Variants in TNFAIP6 observed in about 807,000 individuals in gnomAD.
TNFAIP6 encodes tumor necrosis factor-inducible gene 6 protein.
A neutral mutation model predicts 33.7 loss-of-function variants in TNFAIP6; 36 were observed. The observed-to-expected ratio is 1.07, with a 90% CI of 0.82 to 1.41. The LOEUF is 1.41. Ranked by LOEUF, TNFAIP6 falls within the 40% of genes most tolerant of loss-of-function variation. TNFAIP6 has a pLI of 0.00. For synonymous variants in TNFAIP6, 113 were observed against 112.8 expected (o/e 1.00, Z -0.01); for missense variants, 273 against 331.9 (o/e 0.82, Z 1.38).
At position 151,363,977 on chromosome 2, in the gene TNFAIP6, G is replaced by A. The variant is rs1466765781; in HGVS notation, c.129G>A (p.Arg43=). The A allele has an allele frequency of 1.2e-6, 2 of 1,613,998 alleles. No individual in the cohort carries two copies. Among genetic ancestry groups the A allele is most frequent in the East Asian group, 2.2e-5 (1 of 44,890 alleles). ...CCGGTGTGTACCACAGAGAAGCACG[G>A]TCTGGCAAATACAAGCTCACCTACG... ...RAAGVYHREA[R]SGKYKLTYAE... Residue 43 remains arginine (R), a synonymous_variant, in exon 2 of 6, where the codon CGG becomes CGA. Transcript: ENST00000243347.
chr2:151,362,178 T>C (rs144661329), intron 1 of TNFAIP6, among the ~76,000 whole-genome samples: 78 of 152,320 alleles, frequency 5.1e-4, no homozygotes, highest in Middle Eastern at 3.4e-3. Flanking sequence ...TTATGACTAT[T>C]GTCCTGGGAA....
At chr2:151,372,813 G>A (rs1313432635) in intron 4 of TNFAIP6, among the ~76,000 whole-genome samples, 4 of 151,952 alleles carry the variant, frequency 2.6e-5, no homozygotes, top group East Asian at 1.9e-4. Flanking sequence ...CCAGCTACTC[G>A]GGAGCCTGAG....
At position 151,379,646 on chromosome 2, in the gene TNFAIP6, G is replaced by T; in HGVS notation, c.*113G>T. ...ATTTATTATTTTTCTAAATGTGAAA[G>T]CAATACATAATTTAGGGAAAATTGG... is the stretch of plus-strand genomic sequence containing the variant. On this transcript the variant is annotated 3_prime_UTR_variant, in exon 6 of 6. Transcript: ENST00000243347. The T allele has an allele frequency of 1.2e-6, 1 of 845,966 alleles. No individual in the cohort carries two copies. The highest frequency in any genetic ancestry group is 4.4e-5 in the South Asian group (1 of 22,628). The allele number at this position is 845,966 out of a possible 1,614,324, so 52.4% of individuals were successfully genotyped here.
intron 3 of TNFAIP6, among the ~76,000 whole-genome samples, chr2:151,367,481 A>G (rs1684732572): frequency 1.3e-5 from 2 of 152,100 alleles, no homozygotes; most frequent in South Asian, 2.1e-4. Context: ...TCTTCTTTTC[A>G]AATGTATTCT....
intron 1 of TNFAIP6, 143 bp from the exon 2 acceptor site, chr2:151,363,800 A>T: frequency 1.1e-6 from 1 of 893,566 alleles, no homozygotes; most frequent in Admixed American, 3.7e-5. Flanking sequence ...TAACAGTGAA[A>T]ACTTAGCTAC....
intron 2 of TNFAIP6, among the ~76,000 whole-genome samples, chr2:151,365,622 G>C (rs1684696331): frequency 2.0e-5 from 3 of 152,150 alleles, no homozygotes; most frequent in African/African-American, 7.2e-5. Flanking sequence ...CTGGGTGACA[G>C]AGTGACACTC....
At chr2:151,368,962 G>A (rs989075594) in intron 3 of TNFAIP6, among the ~76,000 whole-genome samples, 3 of 152,180 alleles carry the variant, frequency 2.0e-5, no homozygotes, top group African/African-American at 7.2e-5. Context: ...GGAAGCTGAG[G>A]TGGGTCGATC....
intron 3 of TNFAIP6, among the ~76,000 whole-genome samples, chr2:151,367,835 C>T (rs1010705956): frequency 6.6e-6 from 1 of 151,472 alleles, no homozygotes; most frequent in African/African-American, 2.4e-5. Context: ...GGGGGAACAG[C>T]TCACTGAAAC....
At chr2:151,365,466 C>T (rs145184472) in intron 2 of TNFAIP6, among the ~76,000 whole-genome samples, 2,379 of 152,038 alleles carry the variant, frequency 0.016, 61 homozygotes, top group African/African-American at 0.055. Context: ...TGGAGAAACC[C>T]CATCTCTACT....
intron 2 of TNFAIP6, among the ~76,000 whole-genome samples, chr2:151,365,096 AC>A (rs1373630781): frequency 1.3e-5 from 2 of 152,140 alleles, no homozygotes; most frequent in African/African-American, 4.8e-5. Flanking sequence ...AGTGGTTCAC[AC>A]CTGTAATCCC....
chr2:151,379,115 A>T (rs1307156113), intron 5 of TNFAIP6, among the ~76,000 whole-genome samples: 1 of 152,072 alleles, frequency 6.6e-6, no homozygotes, highest in Non-Finnish European at 1.5e-5. Flanking sequence ...AAAATAAATA[A>T]ATAAATACAA....
At chr2:151,371,689 T>C (rs1219786357) in intron 4 of TNFAIP6, among the ~76,000 whole-genome samples, 1 of 151,818 alleles carries the variant, frequency 6.6e-6, no homozygotes, top group Non-Finnish European at 1.5e-5. Context: ...CTGCCTCCCA[T>C]GTTCCAGCAA....
intron 1 of TNFAIP6, among the ~76,000 whole-genome samples, chr2:151,361,831 T>C (rs1684628876): frequency 6.6e-6 from 1 of 152,222 alleles, no homozygotes. Context: ...ACTTGACTGA[T>C]GTTCCTGGTA....
intron 1 of TNFAIP6, among the ~76,000 whole-genome samples, chr2:151,361,036 TA>T (rs1684616077): frequency 1.3e-5 from 2 of 152,112 alleles, no homozygotes; most frequent in South Asian, 2.1e-4. Context: ...TTAAAATTAT[TA>T]TTTTTTTAAA....
At chr2:151,360,460 C>T (rs181274202) in intron 1 of TNFAIP6, among the ~76,000 whole-genome samples, 20 of 152,180 alleles carry the variant, frequency 1.3e-4, no homozygotes, top group African/African-American at 3.6e-4. Context: ...TTTCTACTGC[C>T]GCCACTCACT....
intron 1 of TNFAIP6, among the ~76,000 whole-genome samples, chr2:151,362,037 T>C (rs1196298515): frequency 6.6e-6 from 1 of 152,220 alleles, no homozygotes; most frequent in Non-Finnish European, 1.5e-5. Context: ...ATTCATTTCT[T>C]GGTGCCAAGA....
At chr2:151,365,393 C>A (rs1042158620) in intron 2 of TNFAIP6, among the ~76,000 whole-genome samples, 26 of 152,120 alleles carry the variant, frequency 1.7e-4, no homozygotes, top group African/African-American at 6.3e-4. Flanking sequence ...AATCCTAGCA[C>A]TTCGGAAGGG....
intron 4 of TNFAIP6, chr2:151,371,998 T>A (rs1033849881): frequency 6.6e-6 from 1 of 152,286 alleles, no homozygotes; most frequent in African/African-American, 2.4e-5. Flanking sequence ...AAGAACAAAG[T>A]ACAGGCAGGC....
intron 3 of TNFAIP6, among the ~76,000 whole-genome samples, chr2:151,368,972 C>T (rs1228983947): frequency 6.6e-6 from 1 of 152,196 alleles, no homozygotes; most frequent in East Asian, 1.9e-4. Context: ...GTGGGTCGAT[C>T]ACCAGAGGTC....
Sources: allele counts gnomAD v4.1 joint callset (sites outside exome capture counted in the v4.1 genomes callset), GRCh38; gene constraint gnomAD v4.1.1; transcripts MANE v1.5; gene names NCBI Gene and HGNC (gene_info 2026-07-23, HGNC 2026-07-21).